Variants in RAF1 observed in about 807,000 individuals in gnomAD.
RAF1 encodes the protein Raf-1 proto-oncogene, serine/threonine kinase.
In RAF1, 27 loss-of-function variants were observed where a neutral mutation model predicts 81.1. That is an observed-to-expected ratio of 0.33 (90% CI 0.25 to 0.46). The LOEUF is 0.46. Among genes scored for constraint, RAF1 ranks in the 20% least tolerant of loss-of-function variants. The pLI is 1.00. For missense variants in RAF1, 598 were observed against 826.0 expected, an observed-to-expected ratio of 0.72 and a Z score of 3.38; for synonymous variants, 298 against 294.0, an observed-to-expected ratio of 1.01 and a Z score of -0.14.
At chr3:12,588,387 A>G (rs2454436) in intron 13 of RAF1, 21,700 of 152,188 alleles carry the variant, frequency 0.14, 1,897 homozygotes, top group Middle Eastern at 0.21. Flanking sequence ...CCAACTTGTC[A>G]TCATGCACAC....
chr3:12,608,350 G>C (rs932974040), intron 5 of RAF1: 1 of 164,556 alleles, frequency 6.1e-6, no homozygotes, highest in African/African-American at 2.4e-5. Context: ...GAAGAAAATA[G>C]CATCAACGGT....
rs190633781 is a variant in RAF1 at position 12,660,747 on chromosome 3, C to T, written c.-27+3066G>A. Among the ~76,000 whole-genome samples, 29 of 152,106 alleles carry T rather than the reference C, an allele frequency of 1.9e-4. 2 individuals are homozygous for T. The highest frequency in any genetic ancestry group is 7.8e-4 in the East Asian group (4 of 5,158). On this transcript the variant is annotated intron_variant, in intron 1 of 17. Transcript: ENST00000442415. Reference sequence around the variant, plus strand: ...ATCCCAGCACTTTGCAAGGCCAAGGCGGGTAGATCACAAGGTCAGGAGTTC... The same window carrying T: ...ATCCCAGCACTTTGCAAGGCCAAGGTGGGTAGATCACAAGGTCAGGAGTTC...
At chr3:12,651,804 G>T (rs1323516581) in intron 1 of RAF1, among the ~76,000 whole-genome samples, 2 of 151,622 alleles carry the variant, frequency 1.3e-5, no homozygotes, top group African/African-American at 2.4e-5. Flanking sequence ...GAGGTCAGGA[G>T]GTTGAGACCA....
In RAF1 at chr3:12,618,759, C is replaced by T. The variant is rs774065972; in HGVS notation, c.-26-12G>A. On this transcript the variant is annotated splice_polypyrimidine_tract_variant and intron_variant, in intron 1 of 17. Transcript: ENST00000442415. ...AACAATTCTTAAACCTGGTAAGAAA[C>T]ACAAATAATTGTAACTCTAGAACAA... 1.9e-5 allele frequency: 31 copies of T among 1,590,856 alleles called. No homozygotes were observed. The East Asian group carries it at 2.7e-4, about 14-fold the overall frequency.
At chr3:12,601,848 G>C (rs1575568625) in intron 8 of RAF1, among the ~76,000 whole-genome samples, 1 of 152,052 alleles carries the variant, frequency 6.6e-6, no homozygotes, top group Non-Finnish European at 1.5e-5. Flanking sequence ...CCTAATCCCC[G>C]ACCCACGATT....
At chr3:12,642,291 A>T (rs1394747236) in intron 1 of RAF1, among the ~76,000 whole-genome samples, 1 of 129,388 alleles carries the variant, frequency 7.7e-6, no homozygotes, top group African/African-American at 3.6e-5. Context: ...TCTACTAAAA[A>T]TACAAAAAAA....
rs761438117 is a variant in RAF1, at chr3:12,600,242, C to T, written c.960G>A (p.Leu320=). ...TCGGCTGTGACCAGCCTGTTGGGCTCAGATTGTTGGGGCTACTGGACAGGG... is the reference window on the plus strand; with the variant it reads ...TCGGCTGTGACCAGCCTGTTGGGCTTAGATTGTTGGGGCTACTGGACAGGG... The change falls in exon 10 of 18, where the codon CTG becomes CTA. Residue 320 remains leucine (L), a synonymous_variant. Transcript: ENST00000442415. The T allele has an allele frequency of 6.2e-7, 1 of 1,614,088 alleles. No homozygotes were observed. The highest frequency in any genetic ancestry group is 1.7e-5 in the Admixed American group (1 of 60,014).
At chr3:12,660,861 G>C (rs1413502880) in intron 1 of RAF1, among the ~76,000 whole-genome samples, 1 of 152,110 alleles carries the variant, frequency 6.6e-6, no homozygotes, top group Non-Finnish European at 1.5e-5. Context: ...TGTAGTCCCA[G>C]CTACTCAGGA....
chr3:12,635,700 G>A lies in RAF1; in HGVS notation c.-26-16953C>T, dbSNP rs546940675. ...ACTTTATAAATTTATTAGGCTGGGC[G>A]CGGTGGCTCACGCCTGTAATCCCAG... is the stretch of plus-strand genomic sequence containing the variant. On this transcript the variant is annotated intron_variant, in intron 1 of 17. Transcript: ENST00000442415. Among the ~76,000 whole-genome samples, 15 of 151,274 alleles carry A rather than the reference G, an allele frequency of 9.9e-5. No individual in the cohort carries two copies. In the South Asian group the frequency reaches 1.9e-3, roughly 19 times the overall value.
In RAF1 at chr3:12,584,847, C is replaced by G; in HGVS notation, c.1863G>C (p.Gln621His). Residue 621 changes from glutamine to histidine, a missense_variant and splice_region_variant, in exon 17 of 18, where the codon CAG becomes CAC. Coordinates refer to ENST00000442415, the MANE Select transcript of RAF1 (RefSeq NM_001354689.3). ...ACATTCTAGCAGCCCTGAGCCTTAC[C>G]TGGGGAAAAAGAGGCCTCTCTTCCT... 1 of 1,614,026 alleles carries G rather than the reference C, an allele frequency of 6.2e-7. No individual in the cohort carries two copies. Among genetic ancestry groups the G allele is most frequent in the Non-Finnish European group, 8.5e-7 (1 of 1,179,946 alleles).
chr3:12,656,784 G>A lies in RAF1; in HGVS notation c.-27+7029C>T, dbSNP rs1353683909. Among the ~76,000 whole-genome samples, 5 of 152,102 alleles carry A rather than the reference G, an allele frequency of 3.3e-5. No individual in the cohort carries two copies. In the East Asian group the frequency reaches 9.6e-4, roughly 29 times the overall value. ...GGCTGAGACAGGTGGATCATCTGCAGTCAGGAGTTCAAGACCAGTCTGGCC... is the reference window on the plus strand; with the variant it reads ...GGCTGAGACAGGTGGATCATCTGCAATCAGGAGTTCAAGACCAGTCTGGCC... On this transcript the variant is annotated intron_variant, in intron 1 of 17. Transcript: ENST00000442415.
chr3:12,653,749 A>AAT (rs2060603445), intron 1 of RAF1, among the ~76,000 whole-genome samples: 1 of 152,194 alleles, frequency 6.6e-6, no homozygotes, highest in Admixed American at 6.5e-5. Context: ...AAAAAAAAAA[A>AAT]AGTCATCTCT....
At chr3:12,627,713 T>G (rs1206808022) in intron 1 of RAF1, among the ~76,000 whole-genome samples, 1 of 144,262 alleles carries the variant, frequency 6.9e-6, no homozygotes, top group Non-Finnish European at 1.5e-5. Flanking sequence ...TTTGAGGATA[T>G]ATTTGCTTTA....
At chr3:12,658,180 A>G (rs1356666259) in intron 1 of RAF1, among the ~76,000 whole-genome samples, 2 of 152,242 alleles carry the variant, frequency 1.3e-5, no homozygotes, top group East Asian at 1.9e-4. Flanking sequence ...AGAACAGTAT[A>G]CTATACTGTA....
chr3:12,619,155 G>A lies in RAF1; in HGVS notation c.-26-408C>T, dbSNP rs1014096716. 5.9e-5 allele frequency among the ~76,000 whole-genome samples: 9 copies of A among 152,196 alleles called. No homozygotes were observed. The South Asian group carries it at 1.0e-3, about 18-fold the overall frequency. On this transcript the variant is annotated intron_variant, in intron 1 of 17. Coordinates refer to ENST00000442415, the MANE Select transcript of RAF1 (RefSeq NM_001354689.3). ...AGCTACTCGGGAGGCTGAGGCAGGA[G>A]AATGGCGGGAACCTGGGAGGCGGAG...
Position 12,587,520 on chromosome 3 carries a change from TAGA to T in RAF1, c.1477+68_1477+70del, listed in dbSNP as rs1479770011. 8 of 1,399,684 alleles carry T rather than the reference TAGA, an allele frequency of 5.7e-6. No homozygotes were observed. The Admixed American group carries it at 1.3e-4, about 23-fold the overall frequency. The allele number at this position is 1,399,684 out of a possible 1,614,324, so 86.7% of individuals were successfully genotyped here. A position where few individuals can be genotyped will look rare whatever the true frequency, so the allele number is the denominator to read the frequency against. On this transcript the variant is annotated intron_variant, in intron 14 of 17. Coordinates refer to ENST00000442415, the MANE Select transcript of RAF1 (RefSeq NM_001354689.3). ...CCCTGGCACCGAGAGCCACTTGTGA[TAGA>T]AAGCCTCCCTTCTGTTTCCCTAAAT...
In RAF1 at chr3:12,584,238, A is replaced by G; in HGVS notation, c.*276T>C. The stretch of plus-strand genomic sequence containing the variant: ...CCCTGCTTTTTGTACTACCATCAAC[A>G]TCCACTTGCGCATCTACAGAAGGCT... On this transcript the variant is annotated 3_prime_UTR_variant, in exon 18 of 18. Coordinates refer to ENST00000442415, the MANE Select transcript of RAF1 (RefSeq NM_001354689.3). The G allele has an allele frequency of 2.0e-6, 1 of 501,834 alleles. No individual in the cohort carries two copies. The highest frequency in any genetic ancestry group is 3.6e-6 in the Non-Finnish European group (1 of 274,592). 31.1% of individuals were successfully genotyped at this position (501,834 alleles called of 1,614,324 possible).
At chr3:12,647,413 C>A (rs2060386783) in intron 1 of RAF1, among the ~76,000 whole-genome samples, 1 of 151,956 alleles carries the variant, frequency 6.6e-6, no homozygotes, top group African/African-American at 2.4e-5. Flanking sequence ...CCAGCCTGGA[C>A]AACATGGAGA....
At chr3:12,602,153 C>A (rs1207232024) in intron 8 of RAF1, among the ~76,000 whole-genome samples, 1 of 152,108 alleles carries the variant, frequency 6.6e-6, no homozygotes, top group Non-Finnish European at 1.5e-5. Flanking sequence ...GTGCTAATTT[C>A]TATAGTTGGA....
Sources: allele counts gnomAD v4.1 joint callset (sites outside exome capture counted in the v4.1 genomes callset), GRCh38; gene constraint gnomAD v4.1.1; transcripts MANE v1.5; gene names NCBI Gene and HGNC (gene_info 2026-07-23, HGNC 2026-07-21).